Variants in EYS observed in about 807,000 individuals in gnomAD.
EYS encodes the protein protein eyes shut homolog.
In EYS, 250 loss-of-function variants were observed where a neutral mutation model predicts 282.1. The observed-to-expected ratio is 0.89, with a 90% CI of 0.80 to 0.98. The LOEUF (loss-of-function observed/expected upper bound fraction) is 0.98, where lower values mean the gene tolerates loss of function less well. Ranked by LOEUF, EYS falls within the 50% of genes least tolerant of loss-of-function variation. The pLI, the probability that EYS is intolerant of heterozygous loss-of-function variation, is 0.00. For missense variants in EYS, 4,016 were observed against 3,709.0 expected (o/e 1.08, Z -2.15); for synonymous variants, 1,355 against 1,282.9 (o/e 1.06, Z -1.20).
At chr6:65,504,070 C>T (rs1766561448) in intron 2 of EYS, among the ~76,000 whole-genome samples, 1 of 151,444 alleles carries the variant, frequency 6.6e-6, no homozygotes, top group African/African-American at 2.4e-5. Flanking sequence ...TATTGAGGCT[C>T]CCAATCAATG....
chr6:64,921,011 A>T (rs2150081612), intron 15 of EYS, among the ~76,000 whole-genome samples: 1 of 152,242 alleles, frequency 6.6e-6, no homozygotes, highest in Non-Finnish European at 1.5e-5. Flanking sequence ...AAGCCAAAGG[A>T]TTTTTATGCA....
chr6:64,836,814 T>A lies in EYS; in HGVS notation c.2993-13992A>T, dbSNP rs114934520. On this transcript the variant is annotated intron_variant, in intron 19 of 42. Coordinates refer to ENST00000503581, the MANE Select transcript of EYS (RefSeq NM_001142800.2). ...TGATAAAAGACAAATATAATAAAAA[T>A]TTCACACATTTCTGTGAAATTCCAC... Among the ~76,000 whole-genome samples the A allele has an allele frequency of 4.4e-3, 666 of 151,648 alleles. 6 individuals are homozygous for A. Among genetic ancestry groups the A allele is most frequent in the African/African-American group, 0.015 (635 of 41,468 alleles).
chr6:65,522,222 T>C (rs4710294), intron 2 of EYS, among the ~76,000 whole-genome samples: 19,524 of 152,196 alleles, frequency 0.13, 1,309 homozygotes, highest in South Asian at 0.19. Context: ...AAATTGAAAA[T>C]AAGATTCTAT....
chr6:64,513,101 C>T (rs1443288089), intron 26 of EYS, among the ~76,000 whole-genome samples: 27 of 151,562 alleles, frequency 1.8e-4, no homozygotes, highest in Admixed American at 1.8e-3. Flanking sequence ...CAGTTTGATA[C>T]AGATTTGCGA....
At chr6:64,451,586 C>G (rs375054935) in intron 26 of EYS, among the ~76,000 whole-genome samples, 1 of 152,080 alleles carries the variant, frequency 6.6e-6, no homozygotes, top group Admixed American at 6.6e-5. Flanking sequence ...ATATCCTTGA[C>G]GAACATTGAT....
intron 34 of EYS, among the ~76,000 whole-genome samples, chr6:63,986,320 G>T (rs2149793411): frequency 6.6e-6 from 1 of 151,924 alleles, no homozygotes; most frequent in African/African-American, 2.4e-5. Context: ...ATACACTGTT[G>T]GTGGGAATGT....
intron 14 of EYS, among the ~76,000 whole-genome samples, chr6:64,970,089 T>G (rs1472877186): frequency 6.6e-6 from 1 of 152,004 alleles, no homozygotes; most frequent in Non-Finnish European, 1.5e-5. Flanking sequence ...TTGGAAAATT[T>G]GGGGTAGATT....
chr6:64,821,669 G>T lies in EYS; in HGVS notation c.3219C>A (p.Ser1073Arg). The change falls in exon 21 of 43, where the codon AGC becomes AGA. Residue 1073 changes from serine (S) to arginine (R), a missense_variant. Ser to Arg is a moderately radical substitution (Grantham distance 110, BLOSUM62 -1). Coordinates refer to ENST00000503581, the MANE Select transcript of EYS (RefSeq NM_001142800.2). The stretch of plus-strand genomic sequence containing the variant: ...CATTAATTTTGATCTTACATTGTGT[G>T]CTAGTCCCATCTGCATCACATGAAC... ...YPCSCDADGT[S>R]TQCKIKINDC... 1 of 1,514,964 alleles carries T rather than the reference G, an allele frequency of 6.6e-7. No homozygotes were observed. Among genetic ancestry groups the T allele is most frequent in the Non-Finnish European group, 8.9e-7 (1 of 1,119,114 alleles). 93.8% of individuals were successfully genotyped at this position (1,514,964 alleles called of 1,614,324 possible).
In EYS at chr6:65,039,365, C is replaced by T. The variant is rs139129192; in HGVS notation, c.2137+18249G>A. ...AATTTTTCACTTTCATTGATCAAAC[C>T]GTCTTTTTATTTTTCAAATTAAACA... is the stretch of plus-strand genomic sequence containing the variant. On this transcript the variant is annotated intron_variant, in intron 13 of 42. Transcript: ENST00000503581. Among the ~76,000 whole-genome samples the T allele has an allele frequency of 5.2e-3, 788 of 151,140 alleles. 23 individuals carry two copies. Among genetic ancestry groups the T allele is most frequent in the Admixed American group, 0.043 (651 of 15,116 alleles).
At chr6:65,281,584 A>G (rs1768221174) in intron 12 of EYS, among the ~76,000 whole-genome samples, 1 of 152,208 alleles carries the variant, frequency 6.6e-6, no homozygotes, top group African/African-American at 2.4e-5. Flanking sequence ...ATAAATGTAC[A>G]TTTGAACGTG....
At chr6:65,095,810 G>T (rs749013469) in intron 12 of EYS, among the ~76,000 whole-genome samples, 1 of 151,024 alleles carries the variant, frequency 6.6e-6, no homozygotes, top group Non-Finnish European at 1.5e-5. Flanking sequence ...ACATGATAAA[G>T]ACTATATATG....
intron 22 of EYS, among the ~76,000 whole-genome samples, chr6:64,811,867 A>G (rs899911704): frequency 6.6e-6 from 1 of 152,144 alleles, no homozygotes; most frequent in African/African-American, 2.4e-5. Flanking sequence ...AGCAACACTA[A>G]ATGGACTAAG....
intron 24 of EYS, among the ~76,000 whole-genome samples, chr6:64,597,663 C>T (rs774437817): frequency 6.9e-6 from 1 of 144,706 alleles, no homozygotes; most frequent in Non-Finnish European, 1.5e-5. Flanking sequence ...ATAATGTGTA[C>T]ATATGGACAT....
At chr6:63,756,094 CT>C (rs899074648) in intron 41 of EYS, among the ~76,000 whole-genome samples, 1 of 152,188 alleles carries the variant, frequency 6.6e-6, no homozygotes, top group African/African-American at 2.4e-5. Flanking sequence ...ATTTGACTTC[CT>C]CTTTTCCTAA....
intron 26 of EYS, among the ~76,000 whole-genome samples, chr6:64,448,615 C>T (rs574826493): frequency 4.6e-5 from 7 of 152,290 alleles, no homozygotes; most frequent in South Asian, 2.1e-4. Context: ...CCAGTAGGGG[C>T]GGACTGACAT....
At chr6:65,469,919 T>C (rs1765146942) in intron 5 of EYS, among the ~76,000 whole-genome samples, 1 of 152,182 alleles carries the variant, frequency 6.6e-6, no homozygotes, top group African/African-American at 2.4e-5. Context: ...CTTAAAATCA[T>C]ATCAAAGAAA....
chr6:65,607,402 G>A (rs1765834751), intron 2 of EYS, among the ~76,000 whole-genome samples: 4 of 151,612 alleles, frequency 2.6e-5, no homozygotes, highest in African/African-American at 9.7e-5. Context: ...TTGTGCTCTT[G>A]ACAACTTTTC....
At chr6:64,594,688 T>C (rs548756091) in intron 24 of EYS, among the ~76,000 whole-genome samples, 2 of 103,032 alleles carry the variant, frequency 1.9e-5, no homozygotes, top group Non-Finnish European at 3.7e-5. Flanking sequence ...CCGGGGACTG[T>C]TGTGGGGTGG....
chr6:63,841,421 C>T (rs1771955658), intron 36 of EYS, among the ~76,000 whole-genome samples: 1 of 152,054 alleles, frequency 6.6e-6, no homozygotes, highest in South Asian at 2.1e-4. Flanking sequence ...CATATCTTCT[C>T]TAATTTTTGG....
Sources: allele counts gnomAD v4.1 joint callset (sites outside exome capture counted in the v4.1 genomes callset), GRCh38; gene constraint gnomAD v4.1.1; transcripts MANE v1.5; gene names NCBI Gene and HGNC (gene_info 2026-07-23, HGNC 2026-07-21).